ATP5MG: variants seen among roughly 807,000 people sequenced by gnomAD.
ATP5MG encodes the protein ATP synthase membrane subunit g, also known as ATP synthase F(0) complex subunit g, mitochondrial.
Under a neutral mutation model 12.7 loss-of-function variants are expected in ATP5MG, and 7 were observed. That is an observed-to-expected ratio of 0.55 (90% CI 0.31 to 1.04). The LOEUF is 1.04. Ranked by LOEUF, ATP5MG falls within the 50% of genes least tolerant of loss-of-function variation. The pLI is 0.05. For synonymous variants in ATP5MG, 53 were observed against 48.2 expected (o/e 1.10, Z -0.41); for missense variants, 116 against 126.7 (o/e 0.92, Z 0.41).
At position 118,406,560 on chromosome 11, in the gene ATP5MG, C is replaced by G. The variant is rs77297210; in HGVS notation, c.53-377C>G. 501 of 193,382 alleles carry G rather than the reference C, an allele frequency of 2.6e-3. 4 individuals carry two copies. Among genetic ancestry groups the G allele is most frequent in the African/African-American group, 0.011 (476 of 43,174 alleles). 12.0% of individuals were successfully genotyped at this position (193,382 alleles called of 1,614,324 possible). On this transcript the variant is annotated intron_variant, in intron 1 of 2. Transcript: ENST00000300688. ...CCTCTTTCTTCAAATTTGCTGGTCT[C>G]TCTCCAAGAAAATATGAATAAATTG...
chr11:118,403,741 C>T (rs1425449459), intron 1 of ATP5MG, among the ~76,000 whole-genome samples: 2 of 144,842 alleles, frequency 1.4e-5, no homozygotes, highest in African/African-American at 5.1e-5. Flanking sequence ...TGCAGTGAGC[C>T]AAGATTGCGC....
rs1555132608 is a variant in ATP5MG at position 118,409,059 on chromosome 11, GATT to G, written c.276_278del (p.Ile93del). ...TGTTGATGTGGTTTTATGTCGGAGA[GATT>G]ATAGGCAAGCGGGGCATCATTGGCT... On this transcript the variant is annotated inframe_deletion, in exon 3 of 3. Coordinates refer to ENST00000300688, the MANE Select transcript of ATP5MG (RefSeq NM_006476.5). The G allele has an allele frequency of 6.2e-7, 1 of 1,608,346 alleles. No individual in the cohort carries two copies. Among genetic ancestry groups the G allele is most frequent in the East Asian group, 2.2e-5 (1 of 44,490 alleles).
rs17851277 is a variant in ATP5MG at position 118,407,054 on chromosome 11, T to G, written c.170T>G (p.Val57Gly). 1 of 1,613,950 alleles carries G rather than the reference T, an allele frequency of 6.2e-7. No individual in the cohort carries two copies. Among genetic ancestry groups the G allele is most frequent in the African/African-American group, 1.3e-5 (1 of 74,898 alleles). The change falls in exon 2 of 3, where the codon GTC (valine) becomes GGC (glycine). Residue 57 changes from valine (V) to glycine (G), a missense_variant. Coordinates refer to ENST00000300688, the MANE Select transcript of ATP5MG (RefSeq NM_006476.5). ...GCTATTCAGAGCCTGAAAAAAATAG[T>G]CAATAGTGCTCAGACTGGTAGCTTC... Reference protein sequence around the residue: ...PRAIQSLKKIVNSAQTGSFKQ... With the variant: ...PRAIQSLKKIGNSAQTGSFKQ...
intron 1 of ATP5MG, 129 bp downstream of exon 1, chr11:118,401,846 T>G (rs1591315387): frequency 8.8e-7 from 1 of 1,135,274 alleles, no homozygotes; most frequent in Non-Finnish European, 1.2e-6. Flanking sequence ...GGCCTGCAGG[T>G]GGAGGGAGCA....
Position 118,406,985 on chromosome 11 carries a change from C to T in ATP5MG, c.101C>T (p.Ala34Val), listed in dbSNP as rs782136985. The change falls in exon 2 of 3, where the codon GCC becomes GTC. Residue 34 changes from alanine (A) to valine (V), a missense_variant. Ala to Val is a moderately conservative substitution (Grantham distance 64). Coordinates refer to ENST00000300688, the MANE Select transcript of ATP5MG (RefSeq NM_006476.5). ...CGATTGGCCACATTTTGGTACTACG[C>T]CAAGGTTGAGCTGGTTCCTCCCACC... ...KPRLATFWYYAKVELVPPTPA... is the reference protein window; with the variant it reads ...KPRLATFWYYVKVELVPPTPA... 1 of 1,613,848 alleles carries T rather than the reference C, an allele frequency of 6.2e-7. No homozygotes were observed.
chr11:118,406,632 G>T, intron 1 of ATP5MG: 1 of 286,070 alleles, frequency 3.5e-6, no homozygotes, highest in Non-Finnish European at 6.8e-6. Context: ...TTTACAGTTA[G>T]CTAGATTTGC....
At chr11:118,401,921 A>G (rs1948930898) in intron 1 of ATP5MG, 2 of 606,598 alleles carry the variant, frequency 3.3e-6, no homozygotes, top group South Asian at 2.1e-5. Context: ...GGTTCTCTAC[A>G]CAACCTAGAA....
intron 1 of ATP5MG, among the ~76,000 whole-genome samples, chr11:118,404,807 T>G (rs1948958507): frequency 6.6e-6 from 1 of 152,240 alleles, no homozygotes; most frequent in East Asian, 1.9e-4. Context: ...CCATCCCCTG[T>G]AGGAGGGAAT....
intron 1 of ATP5MG, among the ~76,000 whole-genome samples, chr11:118,402,569 G>A (rs190343858): frequency 1.3e-5 from 2 of 152,138 alleles, no homozygotes; most frequent in African/African-American, 4.8e-5. Flanking sequence ...CTGAAGGTCG[G>A]ATCTCTTAAC....
chr11:118,403,482 C>T lies in ATP5MG; in HGVS notation c.52+1765C>T, dbSNP rs1555131534. Reference sequence around the variant, plus strand: ...CTGCATTCCAGCCTGGGCGACGAAGCGAGGCTAGGTCTCAAAAAAAAAAAA... The same window carrying T: ...CTGCATTCCAGCCTGGGCGACGAAGTGAGGCTAGGTCTCAAAAAAAAAAAA... On this transcript the variant is annotated intron_variant, in intron 1 of 2. Transcript: ENST00000300688. 4.3e-5 allele frequency among the ~76,000 whole-genome samples: 6 copies of T among 139,508 alleles called. 1 individual carries two copies. In the South Asian group the frequency reaches 1.1e-3, roughly 27 times the overall value. 91.5% of individuals were successfully genotyped at this position (139,508 alleles called of 152,430 possible).
At chr11:118,401,925 C>A (rs1386707800) in intron 1 of ATP5MG, 1 of 569,786 alleles carries the variant, frequency 1.8e-6, no homozygotes, top group South Asian at 2.4e-5. Flanking sequence ...CTCTACACAA[C>A]CTAGAAGTTC....
chr11:118,402,675 G>A (rs1948938241), intron 1 of ATP5MG, among the ~76,000 whole-genome samples: 1 of 149,134 alleles, frequency 6.7e-6, no homozygotes, highest in Non-Finnish European at 1.5e-5. Flanking sequence ...TTTGGTTTGG[G>A]TATTTTCTTT....
At chr11:118,404,883 T>C (rs1343327060) in intron 1 of ATP5MG, among the ~76,000 whole-genome samples, 1 of 152,248 alleles carries the variant, frequency 6.6e-6, no homozygotes, top group African/African-American at 2.4e-5. Context: ...ATCCAGTCAC[T>C]TATTGTATGG....
In ATP5MG at chr11:118,406,589, G is replaced by GT. The variant is rs569620411; in HGVS notation, c.53-346dup. On this transcript the variant is annotated intron_variant, in intron 1 of 2. Transcript: ENST00000300688. ...CCAAGAAAATATGAATAAATTGACT[G>GT]TTCTCTTGTTTTTAAATCCAATTCC... 31 of 224,472 alleles carry GT rather than the reference G, an allele frequency of 1.4e-4. 1 individual carries two copies. In the South Asian group the frequency reaches 2.2e-3, roughly 16 times the overall value. 13.9% of individuals were successfully genotyped at this position (224,472 alleles called of 1,614,324 possible). A position where few individuals can be genotyped will look rare whatever the true frequency, so the allele number is the denominator to read the frequency against.
At position 118,404,660 on chromosome 11, in the gene ATP5MG, G is replaced by A. The variant is rs1948957205; in HGVS notation, c.53-2277G>A. On this transcript the variant is annotated intron_variant, in intron 1 of 2. Transcript: ENST00000300688. ...TATATGATATTCCTGTGACATCTCT[G>A]GTGATACAAGCTTTCATCACTTGGT... Among the ~76,000 whole-genome samples, 3 of 152,114 alleles carry A rather than the reference G, an allele frequency of 2.0e-5. No individual in the cohort carries two copies. The South Asian group carries it at 6.2e-4, about 32-fold the overall frequency.
intron 1 of ATP5MG, among the ~76,000 whole-genome samples, chr11:118,402,604 A>T (rs1948937474): frequency 6.6e-6 from 1 of 152,146 alleles, no homozygotes; most frequent in Non-Finnish European, 1.5e-5. Flanking sequence ...ATGAAATGTG[A>T]ATAGAAAGCA....
chr11:118,403,622 C>T lies in ATP5MG; in HGVS notation c.52+1905C>T, dbSNP rs372978725. 3.3e-5 allele frequency among the ~76,000 whole-genome samples: 5 copies of T among 151,946 alleles called. No individual in the cohort carries two copies. The East Asian group carries it at 7.7e-4, about 24-fold the overall frequency. On this transcript the variant is annotated intron_variant, in intron 1 of 2. Coordinates refer to ENST00000300688, the MANE Select transcript of ATP5MG (RefSeq NM_006476.5). ...ACCAGCCTCACTAATATGGTGAAACCTCGTCTCTACTAAAACAGAAATTAG... is the reference window on the plus strand; with the variant it reads ...ACCAGCCTCACTAATATGGTGAAACTTCGTCTCTACTAAAACAGAAATTAG...
intron 2 of ATP5MG, chr11:118,407,503 T>TTA (rs1313733007): frequency 1.8e-5 from 3 of 165,730 alleles, no homozygotes; most frequent in African/African-American, 7.2e-5. Flanking sequence ...CTAACACTTC[T>TTA]TATATATAAG....
chr11:118,401,790 A>T (rs1273806332), intron 1 of ATP5MG, 73 bp downstream of exon 1: 2 of 1,559,394 alleles, frequency 1.3e-6, no homozygotes, highest in African/African-American at 2.7e-5. Flanking sequence ...GAGAGGAAGA[A>T]GCGGGCTGCG....
Sources: allele counts gnomAD v4.1 joint callset (sites outside exome capture counted in the v4.1 genomes callset), GRCh38; gene constraint gnomAD v4.1.1; transcripts MANE v1.5; gene names NCBI Gene and HGNC (gene_info 2026-07-23, HGNC 2026-07-21).